The following TENM4 variants were observed in gnomAD, a reference collection of about 807,000 sequenced individuals.
The protein encoded by TENM4 is teneurin transmembrane protein 4, also known as teneurin-4.
Under a neutral mutation model 243.3 loss-of-function variants are expected in TENM4, and 82 were observed. The observed-to-expected ratio is 0.34, with a 90% confidence interval of 0.28 to 0.40. The LOEUF (loss-of-function observed/expected upper bound fraction) is 0.40, where lower values mean the gene tolerates loss of function less well. TENM4 is among the 10% of genes least tolerant of loss of function. TENM4 has a pLI of 1.00. For synonymous variants in TENM4, 1,412 were observed against 1,456.3 expected (o/e 0.97, Z 0.69); for missense variants, 3,138 against 3,673.3 (o/e 0.85, Z 3.77).
chr11:79,416,493 C>CT (rs1858816669), intron 1 of TENM4, among the ~76,000 whole-genome samples: 1 of 152,016 alleles, frequency 6.6e-6, no homozygotes, highest in Non-Finnish European at 1.5e-5. Context: ...CTTTCATGTG[C>CT]CTCTTTTTTG....
At chr11:79,219,783 A>T (rs900721759) in intron 2 of TENM4, among the ~76,000 whole-genome samples, 1 of 152,144 alleles carries the variant, frequency 6.6e-6, no homozygotes, top group Non-Finnish European at 1.5e-5. Context: ...GAGCTTGATC[A>T]TTTCCTGGGC....
chr11:78,742,779 A>G (rs937907679), intron 19 of TENM4, among the ~76,000 whole-genome samples: 1 of 152,202 alleles, frequency 6.6e-6, no homozygotes, highest in African/African-American at 2.4e-5. Flanking sequence ...TTTGGGATCA[A>G]CAGAAGAATC....
chr11:78,975,321 G>A (rs1355665068), intron 6 of TENM4, among the ~76,000 whole-genome samples: 1 of 152,024 alleles, frequency 6.6e-6, no homozygotes, highest in Non-Finnish European at 1.5e-5. Context: ...ACCTCTGGAG[G>A]CTGAAATTGG....
intron 1 of TENM4, among the ~76,000 whole-genome samples, chr11:79,416,409 T>C (rs1482708656): frequency 1.3e-5 from 2 of 152,220 alleles, no homozygotes; most frequent in Non-Finnish European, 2.9e-5. Flanking sequence ...TTTTAGACAT[T>C]CGAGTGGGTT....
At chr11:79,268,478 G>A (rs1386729950) in intron 2 of TENM4, among the ~76,000 whole-genome samples, 1 of 152,066 alleles carries the variant, frequency 6.6e-6, no homozygotes, top group Non-Finnish European at 1.5e-5. Context: ...TGAGAGTTTT[G>A]GGCATGAGTG....
chr11:78,782,646 GT>G (rs1856860827), intron 16 of TENM4, among the ~76,000 whole-genome samples: 1 of 151,920 alleles, frequency 6.6e-6, no homozygotes, highest in Non-Finnish European at 1.5e-5. Flanking sequence ...CACACCTATA[GT>G]CCCACCTACT....
chr11:78,710,669 G>A (rs2135798850), intron 26 of TENM4, among the ~76,000 whole-genome samples: 1 of 152,344 alleles, frequency 6.6e-6, no homozygotes, highest in South Asian at 2.1e-4. Context: ...GCTAATAGAA[G>A]TGATCTGTCC....
chr11:79,432,698 A>C (rs1420254893), intron 1 of TENM4, among the ~76,000 whole-genome samples: 1 of 152,230 alleles, frequency 6.6e-6, no homozygotes, highest in Non-Finnish European at 1.5e-5. Context: ...CATGATAATG[A>C]TGCAAATTTT....
chr11:78,913,479 T>C (rs934107435), intron 6 of TENM4, among the ~76,000 whole-genome samples: 29 of 152,138 alleles, frequency 1.9e-4, no homozygotes, highest in African/African-American at 6.5e-4. Context: ...GAGTTTTCCT[T>C]CCTTCCATTG....
At chr11:78,874,767 A>C (rs1859224470) in intron 9 of TENM4, among the ~76,000 whole-genome samples, 1 of 152,216 alleles carries the variant, frequency 6.6e-6, no homozygotes, top group Non-Finnish European at 1.5e-5. Context: ...AATATACTCC[A>C]TTCTACAGAT....
intron 28 of TENM4, 72 bp from the exon 29 acceptor site, chr11:78,688,298 C>G: frequency 6.6e-7 from 1 of 1,504,804 alleles, no homozygotes; most frequent in South Asian, 1.3e-5. Flanking sequence ...TGCATTCTAC[C>G]TCATGCCATG....
At chr11:78,707,458 A>G (rs1355407355) in intron 27 of TENM4, among the ~76,000 whole-genome samples, 1 of 152,262 alleles carries the variant, frequency 6.6e-6, no homozygotes, top group African/African-American at 2.4e-5. Context: ...GCATGGTACA[A>G]CAGGGTCCGT....
chr11:79,230,467 G>T (rs1224714941), intron 2 of TENM4, among the ~76,000 whole-genome samples: 2 of 152,164 alleles, frequency 1.3e-5, no homozygotes, highest in Non-Finnish European at 1.5e-5. Flanking sequence ...ATTTGATAAG[G>T]CAGAAACAGC....
chr11:78,958,741 C>T (rs1857258309), intron 6 of TENM4, among the ~76,000 whole-genome samples: 1 of 152,206 alleles, frequency 6.6e-6, no homozygotes, highest in Non-Finnish European at 1.5e-5. Flanking sequence ...GCTCCAACAG[C>T]CTCAGCTCCC....
chr11:79,171,766 T>G (rs1213932451), intron 3 of TENM4, among the ~76,000 whole-genome samples: 3 of 152,118 alleles, frequency 2.0e-5, no homozygotes, highest in Non-Finnish European at 4.4e-5. Context: ...CAAAGAAGAG[T>G]CAGCTTTTGG....
intron 3 of TENM4, among the ~76,000 whole-genome samples, chr11:79,166,226 G>A (rs1268914529): frequency 6.6e-6 from 1 of 152,190 alleles, no homozygotes; most frequent in Non-Finnish European, 1.5e-5. Flanking sequence ...GTCAAGACAT[G>A]CTCTGCTAGT....
rs147649365 is a variant in TENM4 at position 79,111,056 on chromosome 11, T to C, written c.-66+37654A>G. 8.0e-3 allele frequency among the ~76,000 whole-genome samples: 1,217 copies of C among 152,156 alleles called. 26 individuals are homozygous for C. Among genetic ancestry groups the C allele is most frequent in the South Asian group, 0.065 (314 of 4,812 alleles). ...GTGGGAGGGAGCCGGTGGGAGACAA[T>C]TGAATCATGGGGGTGGATTCCCCCA... On this transcript the variant is annotated intron_variant, in intron 4 of 33. Transcript: ENST00000278550.
At chr11:78,967,039 C>T (rs1857452497) in intron 6 of TENM4, among the ~76,000 whole-genome samples, 1 of 152,170 alleles carries the variant, frequency 6.6e-6, no homozygotes, top group Admixed American at 6.5e-5. Context: ...TTCCTTCCTC[C>T]TCACAACTAC....
intron 6 of TENM4, among the ~76,000 whole-genome samples, chr11:79,054,895 C>G (rs1859901491): frequency 6.6e-6 from 1 of 152,024 alleles, no homozygotes; most frequent in Non-Finnish European, 1.5e-5. Flanking sequence ...CTTTGGGAGG[C>G]TGAGGTGGGT....
Sources: gnomAD v4.1 joint callset for allele counts (sites outside exome capture counted in the v4.1 genomes callset) on GRCh38, gnomAD v4.1.1 for gene constraint, MANE v1.5 for transcripts, NCBI Gene and HGNC (gene_info 2026-07-23, HGNC 2026-07-21) for gene names.